The following NPLOC4 variants were observed in gnomAD, a reference collection of about 807,000 sequenced individuals.
The protein encoded by NPLOC4 is NPL4 homolog, ubiquitin recognition factor.
In NPLOC4, 18 loss-of-function variants were observed where a neutral mutation model predicts 80.6. The observed-to-expected ratio is 0.22, with a 90% CI of 0.15 to 0.33. NPLOC4 has a LOEUF of 0.33. NPLOC4 is among the 10% of genes least tolerant of loss of function. NPLOC4 has a pLI of 1.00. For missense variants in NPLOC4, 540 were observed against 786.1 expected, an observed-to-expected ratio of 0.69 and a Z score of 3.74; for synonymous variants, 313 against 301.5, an observed-to-expected ratio of 1.04 and a Z score of -0.39.
In NPLOC4 at chr17:81,567,575, C is replaced by T; in HGVS notation, c.1450-42G>A. ...AAACATGAATGTTCCATACAGTTCC[C>T]CAGTGCCAGACCCCGAAACAGAGCT... On this transcript the variant is annotated intron_variant, in intron 14 of 16. Coordinates refer to ENST00000331134, the MANE Select transcript of NPLOC4 (RefSeq NM_017921.4). This position sits in a 1 kb window ranked among gnomAD's most constrained non-coding sequence, Gnocchi z 4.5. The T allele has an allele frequency of 5.7e-6, 7 of 1,233,496 alleles. No homozygotes were observed. The highest frequency in any genetic ancestry group is 8.3e-6 in the Non-Finnish European group (7 of 847,440). The allele number at this position is 1,233,496 out of a possible 1,614,324, so 76.4% of individuals were successfully genotyped here.
chr17:81,636,838 G>A, intron 1 of NPLOC4, 78 bp downstream of exon 1: 6 of 1,302,948 alleles, frequency 4.6e-6, no homozygotes, highest in South Asian at 2.1e-5. Context: ...CGGCAGGCCC[G>A]CCTCCCCCAC....
At chr17:81,618,615 G>A (rs577070596) in intron 3 of NPLOC4, among the ~76,000 whole-genome samples, 1,903 of 148,916 alleles carry the variant, frequency 0.013, 66 homozygotes, top group African/African-American at 0.045. Flanking sequence ...CCAGCCGCCC[G>A]TCTGGGAGGT....
At chr17:81,627,854 G>T (rs1325570290) in intron 2 of NPLOC4, among the ~76,000 whole-genome samples, 1 of 150,692 alleles carries the variant, frequency 6.6e-6, no homozygotes, top group African/African-American at 2.4e-5. Context: ...GAGAACTGCT[G>T]GAACCCAGGA....
chr17:81,565,203 A>C, intron 16 of NPLOC4: 1 of 631,598 alleles, frequency 1.6e-6, no homozygotes, highest in East Asian at 2.7e-5. Flanking sequence ...CTCTTAAGAC[A>C]ATGATGTTCA....
chr17:81,600,417 T>G lies in NPLOC4; in HGVS notation c.845A>C (p.Gln282Pro). 1 of 1,612,018 alleles carries G rather than the reference T, an allele frequency of 6.2e-7. No individual in the cohort carries two copies. Among genetic ancestry groups the G allele is most frequent in the South Asian group, 1.1e-5 (1 of 90,630 alleles). Residue 282 changes from glutamine to proline, a missense_variant, in exon 9 of 17, where the codon CAG (glutamine) becomes CCG (proline). Physicochemically the swap from Gln to Pro is moderately conservative, Grantham distance 76. Transcript: ENST00000331134. ...AIYEPPQIGT[Q>P]NSLELLEDPK... ...ATCCTCAAGAAGCTCCAAGCTGTTC[T>G]GTGTACCAATCTGCAGGGAATCAAA...
intron 12 of NPLOC4, among the ~76,000 whole-genome samples, chr17:81,581,967 C>T (rs553971914): frequency 6.6e-6 from 1 of 152,320 alleles, no homozygotes; most frequent in Admixed American, 6.5e-5. Flanking sequence ...CTGGGACGTG[C>T]TGACAGCAGA....
At position 81,599,003 on chromosome 17, in the gene NPLOC4, T is replaced by C. The variant is rs141937518; in HGVS notation, c.921+1338A>G. 4.4e-3 allele frequency among the ~76,000 whole-genome samples: 669 copies of C among 152,360 alleles called. 7 individuals are homozygous for C. Among genetic ancestry groups the C allele is most frequent in the Non-Finnish European group, 7.6e-3 (517 of 68,032 alleles). On this transcript the variant is annotated intron_variant, in intron 9 of 16. Coordinates refer to ENST00000331134, the MANE Select transcript of NPLOC4 (RefSeq NM_017921.4). ...AAAATTAGGGCTTAGAAACTCATAT[T>C]TTAGGCCAGGCACGGTGGCTCACGC...
At chr17:81,563,875 CAT>C (rs1268838223) in intron 16 of NPLOC4, 3 of 452,790 alleles carry the variant, frequency 6.6e-6, no homozygotes, top group East Asian at 7.1e-5. Context: ...CCAAATACTA[CAT>C]GTTTTCATTT....
At chr17:81,583,036 C>T (rs2034486919) in intron 12 of NPLOC4, among the ~76,000 whole-genome samples, 1 of 152,294 alleles carries the variant, frequency 6.6e-6, no homozygotes, top group Non-Finnish European at 1.5e-5. Context: ...ACAGCAGCCA[C>T]TGCCACGTGA....
chr17:81,623,525 G>A (rs558815399), intron 2 of NPLOC4, among the ~76,000 whole-genome samples: 6 of 150,746 alleles, frequency 4.0e-5, no homozygotes, highest in Non-Finnish European at 7.4e-5. Flanking sequence ...CCGGCCGGGC[G>A]CGGTGGCTGA....
At chr17:81,627,516 G>C (rs2035827133) in intron 2 of NPLOC4, among the ~76,000 whole-genome samples, 1 of 152,080 alleles carries the variant, frequency 6.6e-6, no homozygotes, top group South Asian at 2.1e-4. Flanking sequence ...AAGGCGGGTG[G>C]ATCACCTGAG....
intron 3 of NPLOC4, among the ~76,000 whole-genome samples, chr17:81,615,419 G>A (rs938917806): frequency 1.3e-5 from 2 of 151,996 alleles, no homozygotes; most frequent in East Asian, 3.9e-4. Flanking sequence ...GTTTCTAATA[G>A]CAGATTACAT....
At chr17:81,565,878 T>TAGG (rs1207693522) in intron 15 of NPLOC4, among the ~76,000 whole-genome samples, 2 of 152,196 alleles carry the variant, frequency 1.3e-5, no homozygotes, top group Non-Finnish European at 2.9e-5. Flanking sequence ...GCCCGGAGGA[T>TAGG]AGGAGCTCAT....
At chr17:81,570,848 A>G (rs2034143813) in intron 13 of NPLOC4, among the ~76,000 whole-genome samples, 1 of 152,188 alleles carries the variant, frequency 6.6e-6, no homozygotes, top group Non-Finnish European at 1.5e-5. Flanking sequence ...CACAGGGTCA[A>G]GGAGCCTGGG....
intron 2 of NPLOC4, among the ~76,000 whole-genome samples, chr17:81,622,619 C>T (rs112118980): frequency 2.0e-4 from 31 of 152,274 alleles, no homozygotes; most frequent in African/African-American, 7.0e-4. Flanking sequence ...GGCATGATCT[C>T]GGCTTACTGC....
At chr17:81,608,471 G>A (rs1035091750) in intron 6 of NPLOC4, among the ~76,000 whole-genome samples, 3 of 152,144 alleles carry the variant, frequency 2.0e-5, no homozygotes, top group African/African-American at 7.2e-5. Context: ...GCACTTTGGG[G>A]AAACCAAGGC....
intron 5 of NPLOC4, among the ~76,000 whole-genome samples, chr17:81,609,421 C>G (rs1008386809): frequency 2.0e-5 from 3 of 152,172 alleles, no homozygotes; most frequent in African/African-American, 7.2e-5. Context: ...ATTCTCTTGC[C>G]TCAGCTTCCT....
intron 2 of NPLOC4, among the ~76,000 whole-genome samples, chr17:81,628,609 A>G (rs2035857891): frequency 6.6e-6 from 1 of 152,194 alleles, no homozygotes; most frequent in African/African-American, 2.4e-5. Flanking sequence ...AAACCTACCT[A>G]CAACAAAGGC....
At chr17:81,585,212 C>G (rs904573124) in intron 12 of NPLOC4, among the ~76,000 whole-genome samples, 16 of 133,304 alleles carry the variant, frequency 1.2e-4, no homozygotes, top group African/African-American at 4.5e-4. Context: ...GGTATTAGTT[C>G]TGGTTTAGGA....
Sources: gnomAD v4.1 joint callset for allele counts (sites outside exome capture counted in the v4.1 genomes callset) on GRCh38, gnomAD v4.1.1 for gene constraint, Gnocchi (gnomAD v3.1) non-coding constraint, MANE v1.5 for transcripts, NCBI Gene and HGNC (gene_info 2026-07-23, HGNC 2026-07-21) for gene names.